ZNF500: variants seen among roughly 807,000 people sequenced by gnomAD.
ZNF500 encodes zinc finger protein 500.
ZNF500 carries 31 observed loss-of-function variants against 30.1 expected under a neutral mutation model. That is an observed-to-expected ratio of 1.03 (90% CI 0.77 to 1.39). The LOEUF (loss-of-function observed/expected upper bound fraction) is 1.39. Ranked by LOEUF, ZNF500 falls within the 40% of genes most tolerant of loss-of-function variation. The pLI, the probability that ZNF500 is intolerant of heterozygous loss-of-function variation, is 0.00. For missense variants in ZNF500, 817 were observed against 657.8 expected (o/e 1.24, Z -2.65); for synonymous variants, 392 against 282.0 (o/e 1.39, Z -3.91).
intron 5 of ZNF500, among the ~76,000 whole-genome samples, chr16:4,758,050 C>T (rs1398709588): frequency 4.0e-5 from 6 of 151,560 alleles, no homozygotes; most frequent in Middle Eastern, 3.2e-3. Context: ...TATAGGCACC[C>T]GCCATCACGC....
chr16:4,766,842 C>T (rs1221348215), intron 1 of ZNF500, 175 bp downstream of exon 1: 1 of 152,290 alleles, frequency 6.6e-6, no homozygotes, highest in Non-Finnish European at 1.5e-5. Context: ...ACGACAGCCC[C>T]CCAATTCCAG....
intron 5 of ZNF500, among the ~76,000 whole-genome samples, chr16:4,754,251 A>G (rs1438552867): frequency 6.6e-6 from 1 of 152,194 alleles, no homozygotes; most frequent in African/African-American, 2.4e-5. Flanking sequence ...AGACACTCCC[A>G]GCCCCAGACC....
At chr16:4,757,738 G>A (rs899305113) in intron 5 of ZNF500, among the ~76,000 whole-genome samples, 4 of 151,696 alleles carry the variant, frequency 2.6e-5, no homozygotes, top group Non-Finnish European at 5.9e-5. Context: ...GAGTACCTGG[G>A]ACTACAGATG....
At chr16:4,760,062 CCA>C (rs755834758) in intron 5 of ZNF500, among the ~76,000 whole-genome samples, 62 of 152,036 alleles carry the variant, frequency 4.1e-4, no homozygotes, top group Non-Finnish European at 8.1e-4. Flanking sequence ...AAACAAAAAA[CCA>C]GAAAAGGCTT....
rs1190826736 is a variant in ZNF500 at position 4,752,882 on chromosome 16, GT to G, written c.936del (p.Pro313GlnfsTer28). ...GCCCCATGGGAAGCCCGTCTTCCTG[GT>G]GGGGGGCCGCCTCTTGGCTGATCAG... ...VRPDQPRGGP[P>X]PGRRASHGAD... On this transcript the variant is annotated frameshift_variant, in exon 6 of 6. Coordinates refer to ENST00000219478, the MANE Select transcript of ZNF500 (RefSeq NM_021646.4). LOFTEE classifies it low-confidence loss of function (END_TRUNC). The G allele has an allele frequency of 1.9e-6, 3 of 1,614,050 alleles. No individual in the cohort carries two copies. The highest frequency in any genetic ancestry group is 2.5e-6 in the Non-Finnish European group (3 of 1,180,034).
In ZNF500 at chr16:4,760,598, C is replaced by T. The variant is rs201379039; in HGVS notation, c.664-10G>A. The T allele has an allele frequency of 2.8e-4, 445 of 1,612,814 alleles. 2 individuals carry two copies. The African/African-American group carries it at 4.1e-3, about 15-fold the overall frequency. On this transcript the variant is annotated splice_polypyrimidine_tract_variant and intron_variant, in intron 4 of 5. Transcript: ENST00000219478. ...CCAAGTTCACGGGCACCTGCCAGAA[C>T]GCACCCCACTCAGTCCTGGCCCCAA...
downstream of ZNF500, among the ~76,000 whole-genome samples, chr16:4,747,997 A>G (rs190013607): frequency 3.3e-5 from 5 of 152,240 alleles, no homozygotes; most frequent in Admixed American, 1.3e-4. Flanking sequence ...ATTTCCATCA[A>G]TAAGGTCTTT....
chr16:4,744,623 C>T (rs1368757352), downstream of ZNF500, among the ~76,000 whole-genome samples: 1 of 101,686 alleles, frequency 9.8e-6, no homozygotes, highest in Non-Finnish European at 2.4e-5. Context: ...CTTAAAAATA[C>T]GTCACTCCTA....
chr16:4,763,894 T>A (rs1455128419), intron 2 of ZNF500: 1 of 985,300 alleles, frequency 1.0e-6, no homozygotes, highest in African/African-American at 1.7e-5. Context: ...GCCAGCAGTG[T>A]GCAGCCAGCA....
chr16:4,757,046 G>A (rs551876931), intron 5 of ZNF500, among the ~76,000 whole-genome samples: 3 of 152,094 alleles, frequency 2.0e-5, no homozygotes, highest in Non-Finnish European at 4.4e-5. Context: ...GACAGAGTGA[G>A]ACCCTGTCTC....
rs2082090077 is a variant in ZNF500, at chr16:4,752,411, G to A, written c.1408C>T (p.Pro470Ser). 2 of 1,523,594 alleles carry A rather than the reference G, an allele frequency of 1.3e-6. No individual in the cohort carries two copies. The highest frequency in any genetic ancestry group is 1.4e-5 in the African/African-American group (1 of 72,390). The allele number at this position is 1,523,594 out of a possible 1,614,324, so 94.4% of individuals were successfully genotyped here. A position where few individuals can be genotyped will look rare whatever the true frequency, so the allele number is the denominator to read the frequency against. ...GCACCGGGGCCTCCAGGAGCCACCG[G>A]CTGGAGCGTCGGCAAGGAGCCTGCC... The part of the protein sequence containing the change: ...MGAGSLPTLQ[P>S]VAPGGPGAKA The change falls in exon 6 of 6, where the codon CCG (proline) becomes TCG (serine). Residue 470 changes from proline to serine, a missense_variant. Pro to Ser is a moderately conservative substitution (Grantham distance 74, BLOSUM62 -1). Transcript: ENST00000219478.
chr16:4,751,819 G>A lies in ZNF500; in HGVS notation c.*557C>T, dbSNP rs1596493132. 1.5e-5 allele frequency: 8 copies of A among 544,338 alleles called. No individual in the cohort carries two copies. The highest frequency in any genetic ancestry group is 5.6e-5 in the Admixed American group (2 of 35,506). 33.7% of individuals were successfully genotyped at this position (544,338 alleles called of 1,614,324 possible). The stretch of plus-strand genomic sequence containing the variant: ...GCTACTCAGGAGGATGAGGCAGGAG[G>A]AACACTTGAGCCCAGGGATTCGAGG... On this transcript the variant is annotated 3_prime_UTR_variant, in exon 6 of 6. Transcript: ENST00000219478.
chr16:4,763,564 G>A, intron 2 of ZNF500: 1 of 985,384 alleles, frequency 1.0e-6, no homozygotes, highest in Non-Finnish European at 1.2e-6. Flanking sequence ...TACAAACCCA[G>A]CGTCAGGGAC....
chr16:4,746,267 G>C, downstream of ZNF500: 1 of 1,197,432 alleles, frequency 8.4e-7, no homozygotes, highest in Non-Finnish European at 1.2e-6. Flanking sequence ...GTAGAGAGTG[G>C]GCACTCACTG....
chr16:4,766,485 T>C (rs1411406473), intron 1 of ZNF500, among the ~76,000 whole-genome samples: 1 of 152,016 alleles, frequency 6.6e-6, no homozygotes, highest in African/African-American at 2.4e-5. Context: ...CCCGACATGG[T>C]GGTAGCACAT....
Position 4,751,917 on chromosome 16 carries a change from A to G in ZNF500, c.*459T>C, listed in dbSNP as rs1263650056. 3.0e-4 allele frequency: 66 copies of G among 218,976 alleles called. No individual in the cohort carries two copies. Among genetic ancestry groups the G allele is most frequent in the Middle Eastern group, 3.9e-3 (2 of 510 alleles). 13.6% of individuals were successfully genotyped at this position (218,976 alleles called of 1,614,324 possible). A position where few individuals can be genotyped will look rare whatever the true frequency, so the allele number is the denominator to read the frequency against. ...AGCAAGGCCCCGTCTCAAAAAAAAA[A>G]GGGGGGGGGAGCAGGTGGGGGGTAC... On this transcript the variant is annotated 3_prime_UTR_variant, in exon 6 of 6. Transcript: ENST00000219478.
downstream of ZNF500, among the ~76,000 whole-genome samples, chr16:4,745,292 G>C (rs2082000610): frequency 6.6e-6 from 1 of 152,160 alleles, no homozygotes. Flanking sequence ...CCTTTCAATG[G>C]GAGGCCATGA....
At chr16:4,765,474 T>C in intron 2 of ZNF500, 91 bp downstream of exon 2, 5 of 1,499,980 alleles carry the variant, frequency 3.3e-6, no homozygotes, top group Non-Finnish European at 4.5e-6. Flanking sequence ...GCAGCCACAC[T>C]TGGTCACCCA....
rs770120985 is a variant in ZNF500 at position 4,752,725 on chromosome 16, C to T, written c.1094G>A (p.Arg365His). 1.2e-5 allele frequency: 20 copies of T among 1,614,068 alleles called. No homozygotes were observed. Among genetic ancestry groups the T allele is most frequent in the Admixed American group, 3.3e-5 (2 of 60,008 alleles). The change falls in exon 6 of 6, where the codon CGC becomes CAC. Residue 365 changes from arginine to histidine, a missense_variant. Transcript: ENST00000219478. Reference sequence around the variant, plus strand: ...CCTCTGGTGCGTGCTGAAGTTGGAGCGGTCGCTAAAGCCCTTCCCACAGAC... The same window carrying T: ...CCTCTGGTGCGTGCTGAAGTTGGAGTGGTCGCTAAAGCCCTTCCCACAGAC... Reference protein sequence around the residue: ...CLVCGKGFSDRSNFSTHQRVH... With the variant: ...CLVCGKGFSDHSNFSTHQRVH...
Sources: gnomAD v4.1 joint callset for allele counts (sites outside exome capture counted in the v4.1 genomes callset) on GRCh38, gnomAD v4.1.1 for gene constraint, MANE v1.5 for transcripts, NCBI Gene and HGNC (gene_info 2026-07-23, HGNC 2026-07-21) for gene names.